Variants in RPL18A observed in about 807,000 individuals in gnomAD.
The protein encoded by RPL18A is ribosomal protein L18a.
For missense variants in RPL18A, 163 were observed against 254.1 expected, an observed-to-expected ratio of 0.64 and a Z score of 2.44; for synonymous variants, 122 against 96.9, an observed-to-expected ratio of 1.26 and a Z score of -1.52.
chr19:17,863,038 T>C lies in RPL18A; in HGVS notation c.438+11T>C, dbSNP rs1282385686. ...GTCAAGCAGTTCCACGTGAGTGCCC[T>C]GGGGGACTCCCCTGGAGGGAAGTGC... On this transcript the variant is annotated intron_variant, in intron 4 of 4. Coordinates refer to ENST00000222247, the MANE Select transcript of RPL18A (RefSeq NM_000980.4). The C allele has an allele frequency of 7.5e-6, 12 of 1,595,046 alleles. No individual in the cohort carries two copies. Among genetic ancestry groups the C allele is most frequent in the Non-Finnish European group, 1.0e-5 (12 of 1,163,278 alleles).
At position 17,860,313 on chromosome 19, in the gene RPL18A, C is replaced by T. The variant is rs983023540; in HGVS notation, c.18+339C>T. ...TTTCCTTTCTGCAACGTGGACGTGG[C>T]GGTAGAGCAATAGTGTGTTTTCTTT... On this transcript the variant is annotated intron_variant, in intron 1 of 4. Transcript: ENST00000222247. 1.6e-5 allele frequency: 6 copies of T among 378,050 alleles called. No homozygotes were observed. In the Admixed American group the frequency reaches 2.0e-4, roughly 12 times the overall value. 23.4% of individuals were successfully genotyped at this position (378,050 alleles called of 1,614,324 possible). A position where few individuals can be genotyped will look rare whatever the true frequency, so the allele number is the denominator to read the frequency against.
intron 1 of RPL18A, chr19:17,860,380 G>T (rs2094275023): frequency 4.4e-6 from 1 of 229,238 alleles, no homozygotes; most frequent in Non-Finnish European, 8.6e-6. Flanking sequence ...ATTGCTAACA[G>T]TGAGCCGAAA....
rs568404664 is a variant in RPL18A, at chr19:17,861,534, C to T, written c.198+62C>T. ...GATTTGCGCCTCTTGGGACATCGTG[C>T]ATCTCAAGAATTAATCAGACATCGA... is the stretch of plus-strand genomic sequence containing the variant. On this transcript the variant is annotated intron_variant, in intron 2 of 4. Coordinates refer to ENST00000222247, the MANE Select transcript of RPL18A (RefSeq NM_000980.4). The T allele has an allele frequency of 5.4e-6, 7 of 1,302,530 alleles. No homozygotes were observed. The South Asian group carries it at 7.0e-5, about 13-fold the overall frequency. 80.7% of individuals were successfully genotyped at this position (1,302,530 alleles called of 1,614,324 possible). A position where few individuals can be genotyped will look rare whatever the true frequency, so the allele number is the denominator to read the frequency against.
rs761003483 is a variant in RPL18A at position 17,861,401 on chromosome 19, C to T, written c.127C>T (p.Arg43Cys). The T allele has an allele frequency of 6.8e-6, 11 of 1,610,638 alleles. No individual in the cohort carries two copies. The highest frequency in any genetic ancestry group is 3.4e-5 in the Admixed American group (2 of 59,664). Residue 43 changes from arginine (R) to cysteine (C), a missense_variant, in exon 2 of 5, where the codon CGC becomes TGC. Arg to Cys is a radical substitution (Grantham distance 180). Coordinates refer to ENST00000222247, the MANE Select transcript of RPL18A (RefSeq NM_000980.4). ...GCCTAATCATGTCGTCGCCAAGTCC[C>T]GCTTCTGGTACTTTGTATCTCAGTT... ...FAPNHVVAKSRFWYFVSQLKK... is the reference protein window; with the variant it reads ...FAPNHVVAKSCFWYFVSQLKK...
intron 1 of RPL18A, 70 bp from the exon 2 acceptor site, chr19:17,861,223 A>G (rs1180201710): frequency 1.4e-6 from 2 of 1,426,066 alleles, no homozygotes; most frequent in Non-Finnish European, 2.0e-6. Context: ...AGATGTAGGA[A>G]AGGGAGTGAG....
At chr19:17,861,188 C>T in intron 1 of RPL18A, 105 bp from the exon 2 acceptor site, 1 of 1,115,518 alleles carries the variant, frequency 9.0e-7, no homozygotes. Context: ...GGCCCTGCCT[C>T]CTGCTTCCCG....
At chr19:17,863,050 C>T (rs756507836) in intron 4 of RPL18A, 23 bp downstream of exon 4, 29 of 1,587,178 alleles carry the variant, frequency 1.8e-5, no homozygotes, top group Non-Finnish European at 2.3e-5. Context: ...GGGGACTCCC[C>T]TGGAGGGAAG....
At chr19:17,862,834 G>A in intron 3 of RPL18A, 84 bp from the exon 4 acceptor site, 1 of 909,020 alleles carries the variant, frequency 1.1e-6, no homozygotes, top group East Asian at 2.4e-5. Flanking sequence ...GGATGTGTCA[G>A]GTCATTGGGC....
At chr19:17,861,579 G>A (rs569588398) in intron 2 of RPL18A, 107 bp downstream of exon 2, 5 of 854,020 alleles carry the variant, frequency 5.9e-6, no homozygotes, top group South Asian at 1.7e-5. Context: ...GTAGCTCAAC[G>A]CCTGTAATCC....
chr19:17,863,075 C>G, intron 4 of RPL18A, 48 bp downstream of exon 4: 1 of 1,559,030 alleles, frequency 6.4e-7, no homozygotes, highest in Middle Eastern at 1.7e-4. Flanking sequence ...TGCTCTGACG[C>G]AGGAGCCCAG....
At chr19:17,861,174 G>GGGT in intron 1 of RPL18A, 119 bp from the exon 2 acceptor site, 1 of 824,392 alleles carries the variant, frequency 1.2e-6, no homozygotes, top group Non-Finnish European at 2.0e-6. Context: ...GGAGGCCCTA[G>GGGT]GGTGGCCCTG....
In RPL18A at chr19:17,861,400, C is replaced by T; in HGVS notation, c.126C>T (p.Ser42=). 4 of 1,611,038 alleles carry T rather than the reference C, an allele frequency of 2.5e-6. No individual in the cohort carries two copies. Among genetic ancestry groups the T allele is most frequent in the Non-Finnish European group, 2.5e-6 (3 of 1,178,326 alleles). Reference sequence around the variant, plus strand: ...CGCCTAATCATGTCGTCGCCAAGTCCCGCTTCTGGTACTTTGTATCTCAGT... The same window carrying T: ...CGCCTAATCATGTCGTCGCCAAGTCTCGCTTCTGGTACTTTGTATCTCAGT... The part of the protein sequence containing the change: ...IFAPNHVVAK[S]RFWYFVSQLK... Residue 42 remains serine (S), a synonymous_variant, in exon 2 of 5, where the codon TCC becomes TCT. Coordinates refer to ENST00000222247, the MANE Select transcript of RPL18A (RefSeq NM_000980.4).
chr19:17,861,176 G>A, intron 1 of RPL18A, 117 bp from the exon 2 acceptor site: 2 of 846,138 alleles, frequency 2.4e-6, no homozygotes, highest in Admixed American at 2.2e-5. Context: ...AGGCCCTAGG[G>A]TGGCCCTGCC....
intron 1 of RPL18A, 128 bp from the exon 2 acceptor site, chr19:17,861,165 G>A (rs2094276585): frequency 5.5e-6 from 4 of 726,742 alleles, no homozygotes; most frequent in East Asian, 2.7e-5. Flanking sequence ...AATCCACATG[G>A]AGGCCCTAGG....
At chr19:17,863,139 CAA>C (rs2094280731) in intron 4 of RPL18A, 30 bp from the exon 5 acceptor site, 2 of 1,582,018 alleles carry the variant, frequency 1.3e-6, no homozygotes, top group East Asian at 4.5e-5. Context: ...AAGAGGCTTC[CAA>C]CCCCCTCAAC....
chr19:17,862,485 T>C (rs1419817277), intron 3 of RPL18A: 10 of 678,970 alleles, frequency 1.5e-5, no homozygotes, highest in Non-Finnish European at 2.4e-5. Context: ...CACTGTTTTC[T>C]GGGACCCACT....
rs1242046836 is a variant in RPL18A, at chr19:17,860,081, GC to G, written c.18+113del. ...GTTGGTGCCGCGCGCTTCTGTTTGG[GC>G]CCCCCTTGGCCGCGCGCCGCCTTCT... On this transcript the variant is annotated intron_variant, in intron 1 of 4. Coordinates refer to ENST00000222247, the MANE Select transcript of RPL18A (RefSeq NM_000980.4). The G allele has an allele frequency of 3.7e-5, 37 of 994,650 alleles. No individual in the cohort carries two copies. The South Asian group carries it at 5.7e-4, about 15-fold the overall frequency. 61.6% of individuals were successfully genotyped at this position (994,650 alleles called of 1,614,324 possible).
In RPL18A at chr19:17,863,161, T is replaced by G. The variant is rs766893865; in HGVS notation, c.439-10T>G. 1.6e-5 allele frequency: 25 copies of G among 1,611,762 alleles called. No homozygotes were observed. The South Asian group carries it at 2.2e-4, about 14-fold the overall frequency. On this transcript the variant is annotated splice_polypyrimidine_tract_variant and intron_variant, in intron 4 of 4. Coordinates refer to ENST00000222247, the MANE Select transcript of RPL18A (RefSeq NM_000980.4). ...TTCCAACCCCCTCAACATGCCTCCC[T>G]TCCTCACAGGACTCCAAGATCAAGT...
chr19:17,862,952 C>G lies in RPL18A; in HGVS notation c.363C>G (p.Ala121=). The change falls in exon 4 of 5, where the codon GCC becomes GCG. Residue 121 remains alanine (A), a synonymous_variant. Coordinates refer to ENST00000222247, the MANE Select transcript of RPL18A (RefSeq NM_000980.4). The stretch of plus-strand genomic sequence containing the variant: ...TGGGTGCCCGGCACCGCGCCCGAGC[C>G]CACTCCATTCAGATCATGAAGGTGG... ...RDMGARHRAR[A]HSIQIMKVEE... The G allele has an allele frequency of 6.2e-7, 1 of 1,612,232 alleles. No individual in the cohort carries two copies. The highest frequency in any genetic ancestry group is 8.5e-7 in the Non-Finnish European group (1 of 1,179,618).
Sources: gnomAD v4.1 joint callset for allele counts on GRCh38, gnomAD v4.1.1 for gene constraint, MANE v1.5 for transcripts, NCBI Gene and HGNC (gene_info 2026-07-23, HGNC 2026-07-21) for gene names.